ADARB1: variants seen among roughly 807,000 people sequenced by gnomAD.
The protein encoded by ADARB1 is adenosine deaminase RNA specific B1.
In ADARB1, 10 loss-of-function variants were observed where a neutral mutation model predicts 52.4. That is an observed-to-expected ratio of 0.19 (90% CI 0.12 to 0.32). ADARB1 has a LOEUF of 0.32. ADARB1 is among the 10% of genes least tolerant of loss of function. The probability of loss-of-function intolerance (pLI) is 1.00; values close to 1 mark genes in which losing one functional copy is unlikely to be tolerated. For missense variants in ADARB1, 643 were observed against 922.3 expected (o/e 0.70, Z 3.92); for synonymous variants, 349 against 371.1 (o/e 0.94, Z 0.68).
intron 1 of ADARB1, among the ~76,000 whole-genome samples, chr21:45,089,081 G>A (rs1013839582): frequency 3.9e-5 from 6 of 152,144 alleles, no homozygotes; most frequent in African/African-American, 1.4e-4. Flanking sequence ...GGTATTGGTG[G>A]AGAAACCACC....
rs1286821166 is a variant in ADARB1, at chr21:45,206,324, G to A, written c.1747+1588G>A. ...GGCCTTGTTGAATAGCGCTGTCTAA[G>A]CAATATCTCATCCGTAACTAAAATC... On this transcript the variant is annotated intron_variant, in intron 9 of 10. Coordinates refer to ENST00000348831, the MANE Select transcript of ADARB1 (RefSeq NM_001112.4). 2.6e-5 allele frequency among the ~76,000 whole-genome samples: 4 copies of A among 152,158 alleles called. No homozygotes were observed. In the East Asian group the frequency reaches 7.7e-4, roughly 29 times the overall value.
Position 45,176,911 on chromosome 21 carries a change from A to G in ADARB1, c.963+247A>G, listed in dbSNP as rs887687501. Among the ~76,000 whole-genome samples, 3 of 152,220 alleles carry G rather than the reference A, an allele frequency of 2.0e-5. No homozygotes were observed. Among genetic ancestry groups the G allele is most frequent in the Middle Eastern group, 3.4e-3 (1 of 294 alleles). ...GGCAGGGACACCTGAGACCCCGTCCACCAGAGCAGTGTTTACAACACTATC... is the reference window on the plus strand; with the variant it reads ...GGCAGGGACACCTGAGACCCCGTCCGCCAGAGCAGTGTTTACAACACTATC... On this transcript the variant is annotated intron_variant, in intron 4 of 10. Transcript: ENST00000348831. The surrounding 1 kb of genome is among the most constrained non-coding windows in gnomAD (Gnocchi z 5.8).
intron 2 of ADARB1, among the ~76,000 whole-genome samples, chr21:45,164,553 G>T (rs1393120065): frequency 8.9e-6 from 1 of 112,210 alleles, no homozygotes. Flanking sequence ...GGTGGGGTGG[G>T]TTGGTGCCGT....
chr21:45,160,461 G>A (rs2146028272), intron 2 of ADARB1, among the ~76,000 whole-genome samples: 1 of 152,366 alleles, frequency 6.6e-6, no homozygotes, highest in South Asian at 2.1e-4. Flanking sequence ...CGCTCACCAT[G>A]CTCTCTGATT....
chr21:45,215,367 T>A (rs1201406863), intron 9 of ADARB1, among the ~76,000 whole-genome samples: 1 of 152,256 alleles, frequency 6.6e-6, no homozygotes, highest in Non-Finnish European at 1.5e-5. Flanking sequence ...TTTTTACAGA[T>A]GTCTTTATCA....
intron 4 of ADARB1, chr21:45,177,229 A>C (rs2091735364): frequency 6.4e-6 from 1 of 156,018 alleles, no homozygotes; most frequent in Admixed American, 6.2e-5. Context: ...CGAATGAGCC[A>C]GCACAGCAGT....
chr21:45,189,810 A>G (rs2092230428), intron 8 of ADARB1, among the ~76,000 whole-genome samples: 1 of 151,980 alleles, frequency 6.6e-6, no homozygotes, highest in Admixed American at 6.5e-5. Context: ...CTGCTGAGAA[A>G]GCCACAGGTC....
intron 8 of ADARB1, among the ~76,000 whole-genome samples, chr21:45,201,134 G>C: frequency 6.6e-6 from 1 of 152,204 alleles, no homozygotes; most frequent in Non-Finnish European, 1.5e-5. Context: ...GACATGTAGT[G>C]GGTATCTCTA....
In ADARB1 at chr21:45,146,787, C is replaced by T. The variant is rs547830656; in HGVS notation, c.-48+18214C>T. The stretch of plus-strand genomic sequence containing the variant: ...ATTTCATCATAAAGAATCCAGAGCT[C>T]AGACAGCTCTTTACCATCTGTCTTT... On this transcript the variant is annotated intron_variant, in intron 2 of 10. Transcript: ENST00000348831. 2.0e-5 allele frequency among the ~76,000 whole-genome samples: 3 copies of T among 152,350 alleles called. No homozygotes were observed. In the South Asian group the frequency reaches 6.2e-4, roughly 32 times the overall value.
At chr21:45,137,353 T>C (rs1013404721) in intron 2 of ADARB1, 9 of 152,212 alleles carry the variant, frequency 5.9e-5, no homozygotes, top group African/African-American at 1.9e-4. Flanking sequence ...TGTCGAGAGT[T>C]CTGGAAGACT....
rs575206755 is a variant in ADARB1, at chr21:45,085,920, G to A, written c.-220+11127G>A. On this transcript the variant is annotated intron_variant, in intron 1 of 10. Coordinates refer to ENST00000348831, the MANE Select transcript of ADARB1 (RefSeq NM_001112.4). ...AGCTCACCTTGAATTCTCCATGCAC[G>A]AATCAGCCATAGGCACGTGTTATGT... is the stretch of plus-strand genomic sequence containing the variant. Among the ~76,000 whole-genome samples, 8 of 152,310 alleles carry A rather than the reference G, an allele frequency of 5.3e-5. No individual in the cohort carries two copies. The South Asian group carries it at 6.2e-4, about 12-fold the overall frequency.
Position 45,226,148 on chromosome 21 carries a change from C to T in ADARB1, c.*3951C>T, listed in dbSNP as rs537590466. ...AGCACTGTCTGCACTTTCTTGTTTA[C>T]TGTTTGAAGGGACGAGTACCAAGCC... On this transcript the variant is annotated 3_prime_UTR_variant, in exon 11 of 11. Coordinates refer to ENST00000348831, the MANE Select transcript of ADARB1 (RefSeq NM_001112.4). 1 of 152,454 alleles carries T rather than the reference C, an allele frequency of 6.6e-6. No individual in the cohort carries two copies. The highest frequency in any genetic ancestry group is 1.9e-4 in the East Asian group (1 of 5,192). The allele number at this position is 152,454 out of a possible 1,614,324, so 9.4% of individuals were successfully genotyped here.
intron 2 of ADARB1, among the ~76,000 whole-genome samples, chr21:45,139,635 C>T (rs1301342367): frequency 6.6e-6 from 1 of 152,178 alleles, no homozygotes; most frequent in Non-Finnish European, 1.5e-5. Flanking sequence ...GCGCAGCGAG[C>T]GTGGTGAGTG....
chr21:45,090,493 T>C (rs2086519307), intron 1 of ADARB1, among the ~76,000 whole-genome samples: 1 of 152,170 alleles, frequency 6.6e-6, no homozygotes, highest in Admixed American at 6.5e-5. Flanking sequence ...TTCCAAGTTA[T>C]AAATGTCCCT....
intron 2 of ADARB1, among the ~76,000 whole-genome samples, chr21:45,149,435 C>T (rs1316824441): frequency 6.6e-6 from 1 of 152,220 alleles, no homozygotes; most frequent in Non-Finnish European, 1.5e-5. Flanking sequence ...AAATGGGGGC[C>T]GCATATCTTG....
In ADARB1 at chr21:45,144,336, T is replaced by C. The variant is rs2089902039; in HGVS notation, c.-48+15763T>C. On this transcript the variant is annotated intron_variant, in intron 2 of 10. Coordinates refer to ENST00000348831, the MANE Select transcript of ADARB1 (RefSeq NM_001112.4). ...TCTGAGGGCATAGATAAAAATAAAATTAATTAGATACCAGGAATGTCAGAT... is the reference window on the plus strand; with the variant it reads ...TCTGAGGGCATAGATAAAAATAAAACTAATTAGATACCAGGAATGTCAGAT... Among the ~76,000 whole-genome samples, 3 of 152,210 alleles carry C rather than the reference T, an allele frequency of 2.0e-5. No homozygotes were observed. In the South Asian group the frequency reaches 6.2e-4, roughly 31 times the overall value.
chr21:45,082,211 G>A (rs1002438337), intron 1 of ADARB1, among the ~76,000 whole-genome samples: 1 of 152,192 alleles, frequency 6.6e-6, no homozygotes, highest in Non-Finnish European at 1.5e-5. Context: ...CAAAGCAGTT[G>A]TCATCTAATA....
intron 2 of ADARB1, among the ~76,000 whole-genome samples, chr21:45,147,029 C>T (rs1174119953): frequency 1.3e-5 from 2 of 152,208 alleles, no homozygotes; most frequent in South Asian, 2.1e-4. Flanking sequence ...CTGGCCAGCC[C>T]CTCCTCAGGG....
Position 45,223,923 on chromosome 21 carries a change from C to T in ADARB1, c.*1726C>T. 7.1e-6 allele frequency: 7 copies of T among 985,564 alleles called. No homozygotes were observed. The highest frequency in any genetic ancestry group is 8.4e-6 in the Non-Finnish European group (7 of 830,100). 61.1% of individuals were successfully genotyped at this position (985,564 alleles called of 1,614,324 possible). A position where few individuals can be genotyped will look rare whatever the true frequency, so the allele number is the denominator to read the frequency against. ...TAGAACATCTGCCCCACAGCAGCCT[C>T]CTCCTCCACCGAAGAGGGTAGTTGT... On this transcript the variant is annotated 3_prime_UTR_variant, in exon 11 of 11. Coordinates refer to ENST00000348831, the MANE Select transcript of ADARB1 (RefSeq NM_001112.4).
Sources: allele counts gnomAD v4.1 joint callset (sites outside exome capture counted in the v4.1 genomes callset), GRCh38; gene constraint gnomAD v4.1.1; non-coding constraint Gnocchi (gnomAD v3.1); transcripts MANE v1.5; gene names NCBI Gene and HGNC (gene_info 2026-07-23, HGNC 2026-07-21).